The following RIN3 variants were observed in gnomAD, a reference collection of about 807,000 sequenced individuals.
RIN3 encodes Ras and Rab interactor 3.
RIN3 carries 54 observed loss-of-function variants against 76.3 expected under a neutral mutation model. The observed-to-expected ratio is 0.71, with a 90% CI of 0.57 to 0.89. RIN3 has a LOEUF of 0.89. Ranked by LOEUF, RIN3 falls within the 40% of genes least tolerant of loss-of-function variation. RIN3 has a pLI of 0.00. For missense variants in RIN3, 1,256 were observed against 1,322.1 expected (o/e 0.95, Z 0.78); for synonymous variants, 576 against 564.0 (o/e 1.02, Z -0.30).
chr14:92,587,699 C>T (rs1202820950), intron 3 of RIN3, among the ~76,000 whole-genome samples: 1 of 151,836 alleles, frequency 6.6e-6, no homozygotes, highest in East Asian at 1.9e-4. Flanking sequence ...ACTGCACAGA[C>T]ACCCCTCTTT....
intron 3 of RIN3, among the ~76,000 whole-genome samples, chr14:92,613,789 C>T (rs1361248448): frequency 6.6e-6 from 1 of 152,224 alleles, no homozygotes; most frequent in Admixed American, 6.5e-5. Flanking sequence ...CCTGCCTTCC[C>T]TCTCCATCAC....
intron 3 of RIN3, among the ~76,000 whole-genome samples, chr14:92,590,582 T>G (rs1262268095): frequency 1.3e-5 from 2 of 152,250 alleles, no homozygotes; most frequent in African/African-American, 2.4e-5. Flanking sequence ...CCGTGCTTCC[T>G]GTAAAGCCTG....
chr14:92,600,743 C>G (rs1165618299), intron 3 of RIN3, among the ~76,000 whole-genome samples: 1 of 152,250 alleles, frequency 6.6e-6, no homozygotes, highest in Non-Finnish European at 1.5e-5. Context: ...CTCTCTCGAG[C>G]AGGGTGTCTG....
Position 92,685,034 on chromosome 14 carries a change from A to C in RIN3, c.2515A>C (p.Ser839Arg). ...CTACGGGGCCCTGGAGCACATCAAG[A>C]GCTACGACAAGATCACGGTGACCCG... ...TTYGALEHIK[S>R]YDKITVTRQL... Residue 839 changes from serine (S) to arginine (R), a missense_variant, in exon 9 of 10, where the codon AGC becomes CGC. Ser to Arg is a moderately radical substitution (Grantham distance 110). This residue lies in a region of RIN3 where 428 missense variants were observed against 521.2 expected (regional missense o/e 0.82). Transcript: ENST00000216487. This position sits in a 1 kb window ranked among gnomAD's most constrained non-coding sequence, Gnocchi z 4.7. The C allele has an allele frequency of 6.2e-7, 1 of 1,614,016 alleles. No homozygotes were observed. The highest frequency in any genetic ancestry group is 1.1e-5 in the South Asian group (1 of 91,076).
chr14:92,664,089 T>C (rs1464627670), intron 7 of RIN3, among the ~76,000 whole-genome samples: 1 of 152,120 alleles, frequency 6.6e-6, no homozygotes, highest in African/African-American at 2.4e-5. Context: ...GTTTTCAAGA[T>C]GGATTCCCCA....
At chr14:92,640,325 C>A (rs1348318614) in intron 4 of RIN3, among the ~76,000 whole-genome samples, 1 of 76,802 alleles carries the variant, frequency 1.3e-5, no homozygotes, top group Non-Finnish European at 2.5e-5. Flanking sequence ...TGTGTGTTTG[C>A]TGGGAGATGC....
chr14:92,579,739 CAG>C (rs1410023944), intron 3 of RIN3, among the ~76,000 whole-genome samples: 12 of 152,352 alleles, frequency 7.9e-5, no homozygotes, highest in Admixed American at 4.6e-4. Flanking sequence ...ATGAAGAAAA[CAG>C]AGTTCCTGGC....
chr14:92,524,680 C>T (rs1283027967), intron 1 of RIN3, among the ~76,000 whole-genome samples: 1 of 152,238 alleles, frequency 6.6e-6, no homozygotes, highest in Non-Finnish European at 1.5e-5. Context: ...CCTAGCTCTG[C>T]AGTCCTCAGG....
rs184069479 is a variant in RIN3, at chr14:92,643,116, C to T, written c.532+1787C>T. 4.7e-4 allele frequency among the ~76,000 whole-genome samples: 72 copies of T among 152,038 alleles called. No homozygotes were observed. The East Asian group carries it at 6.8e-3, about 14-fold the overall frequency. On this transcript the variant is annotated intron_variant, in intron 5 of 9. Transcript: ENST00000216487. The surrounding 1 kb of genome is among the most constrained non-coding windows in gnomAD (Gnocchi z 4.8). ...TCACCCAGGCTGGAGTGCAGTGGTG[C>T]GATCTTGGCTCACTGCAACCTCCAC... is the stretch of plus-strand genomic sequence containing the variant.
intron 2 of RIN3, among the ~76,000 whole-genome samples, chr14:92,577,112 C>T (rs2140059010): frequency 6.6e-6 from 1 of 152,282 alleles, no homozygotes; most frequent in East Asian, 1.9e-4. Flanking sequence ...CTTATAGAAA[C>T]ATTGACTTCA....
At position 92,643,038 on chromosome 14, in the gene RIN3, T is replaced by C. The variant is rs1887075014; in HGVS notation, c.532+1709T>C. 6.6e-6 allele frequency among the ~76,000 whole-genome samples: 1 copy of C among 152,022 alleles called. No individual in the cohort carries two copies. On this transcript the variant is annotated intron_variant, in intron 5 of 9. Transcript: ENST00000216487. This position sits in a 1 kb window ranked among gnomAD's most constrained non-coding sequence, Gnocchi z 4.8. ...GGCCGTTTAGCTCCCACACCTGCCA[T>C]CGTCTCATGGTGCCTCTTAACTCTT...
intron 4 of RIN3, among the ~76,000 whole-genome samples, chr14:92,636,565 C>T (rs1886785601): frequency 6.6e-6 from 1 of 152,056 alleles, no homozygotes; most frequent in South Asian, 2.1e-4. Flanking sequence ...GCCTGGGTGA[C>T]AGAGCAAGAC....
Position 92,652,223 on chromosome 14 carries a change from T to C in RIN3, c.1174T>C (p.Ser392Pro). Residue 392 changes from serine to proline, a missense_variant, in exon 6 of 10, where the codon TCC becomes CCC. Coordinates refer to ENST00000216487, the MANE Select transcript of RIN3 (RefSeq NM_024832.5). This position sits in a 1 kb window ranked among gnomAD's most constrained non-coding sequence, Gnocchi z 6.4. Reference sequence around the variant, plus strand: ...CACTGCCCCTCCCAGACGCCGCGTTTCCGAGAGGGTGTCCTTAGAAGACCA... The same window carrying C: ...CACTGCCCCTCCCAGACGCCGCGTTCCCGAGAGGGTGTCCTTAGAAGACCA... ...LPTAPPRRRV[S>P]ERVSLEDQSP... is the part of the protein sequence containing the mutation. 1 of 1,608,354 alleles carries C rather than the reference T, an allele frequency of 6.2e-7. No homozygotes were observed. Among genetic ancestry groups the C allele is most frequent in the Non-Finnish European group, 8.5e-7 (1 of 1,176,472 alleles).
chr14:92,682,402 T>A (rs151319024), intron 8 of RIN3, among the ~76,000 whole-genome samples: 69 of 152,316 alleles, frequency 4.5e-4, no homozygotes, highest in African/African-American at 1.6e-3. Context: ...TAATAGTGGT[T>A]TAAGTCAGAG....
chr14:92,609,347 G>C (rs1382280212), intron 3 of RIN3, among the ~76,000 whole-genome samples: 1 of 152,190 alleles, frequency 6.6e-6, no homozygotes, highest in Non-Finnish European at 1.5e-5. Context: ...CTGAGCCAGG[G>C]CAGAGTCTGT....
chr14:92,558,887 C>CTTTT (rs61202055), intron 2 of RIN3, among the ~76,000 whole-genome samples: 6 of 130,736 alleles, frequency 4.6e-5, no homozygotes, highest in Non-Finnish European at 7.9e-5. Context: ...CTTTTCTTTT[C>CTTTT]TTTTTTTTTT....
At chr14:92,662,139 G>A (rs1887911437) in intron 7 of RIN3, among the ~76,000 whole-genome samples, 1 of 152,208 alleles carries the variant, frequency 6.6e-6, no homozygotes, top group African/African-American at 2.4e-5. Flanking sequence ...TGAGGCGGAG[G>A]GTTAAGACCC....
At chr14:92,586,377 A>G (rs1884778274) in intron 3 of RIN3, 1 of 152,194 alleles carries the variant, frequency 6.6e-6, no homozygotes, top group African/African-American at 2.4e-5. Context: ...CGTTCTTCTT[A>G]TCTCACATTG....
At chr14:92,576,215 C>A (rs1898222568) in intron 2 of RIN3, 1 of 1,260,598 alleles carries the variant, frequency 7.9e-7, no homozygotes, top group African/African-American at 1.5e-5. Flanking sequence ...CTTGCTGAGA[C>A]CTGCCAAGAC....
Sources: gnomAD v4.1 joint callset for allele counts (sites outside exome capture counted in the v4.1 genomes callset) on GRCh38, gnomAD v4.1.1 for gene constraint, gnomAD v4.1.1 regional missense constraint, Gnocchi (gnomAD v3.1) non-coding constraint, MANE v1.5 for transcripts, NCBI Gene and HGNC (gene_info 2026-07-23, HGNC 2026-07-21) for gene names.